TUBA3E: variants seen among roughly 807,000 people sequenced by gnomAD.
TUBA3E encodes tubulin alpha 3e.
A neutral mutation model predicts 36.7 loss-of-function variants in TUBA3E; 21 were observed. The ratio of observed to expected loss-of-function variants is 0.57; its 90% CI spans 0.41 to 0.83. The LOEUF (loss-of-function observed/expected upper bound fraction) is 0.83, where lower values mean the gene tolerates loss of function less well. Among genes scored for constraint, TUBA3E ranks in the 40% least tolerant of loss-of-function variants. The pLI, the probability that TUBA3E is intolerant of heterozygous loss-of-function variation, is 0.00. For synonymous variants in TUBA3E, 177 were observed against 241.9 expected, an observed-to-expected ratio of 0.73 and a Z score of 2.49; for missense variants, 469 against 604.2, an observed-to-expected ratio of 0.78 and a Z score of 2.35.
In TUBA3E at chr2:130,194,312, A is replaced by G; in HGVS notation, c.530T>C (p.Val177Ala). 5 of 1,612,492 alleles carry G rather than the reference A, an allele frequency of 3.1e-6. No homozygotes were observed. The highest frequency in any genetic ancestry group is 4.2e-6 in the Non-Finnish European group (5 of 1,179,682). Residue 177 changes from valine to alanine, a missense_variant, in exon 4 of 5, where the codon GTC (valine) becomes GCC (alanine). By Grantham distance (64) the Val-to-Ala change is moderately conservative. Transcript: ENST00000312988. ...GTAGGGCTCCACCACGGCTGTGGAG[A>G]CCTGGGGGGCTGGGTAAATGGCAAA... The part of the protein sequence containing the change: ...LEFAIYPAPQ[V>A]STAVVEPYNS...
At position 130,194,302 on chromosome 2, in the gene TUBA3E, G is replaced by A. The variant is rs767848746; in HGVS notation, c.540C>T (p.Ala180=). The A allele has an allele frequency of 2.0e-5, 32 of 1,612,000 alleles. 1 individual carries two copies. The highest frequency in any genetic ancestry group is 2.0e-4 in the South Asian group (18 of 90,776). ...AIYPAPQVST[A]VVEPYNSILT... ...GGATGGAGTTGTAGGGCTCCACCAC[G>A]GCTGTGGAGACCTGGGGGGCTGGGT... is the stretch of plus-strand genomic sequence containing the variant. The change falls in exon 4 of 5, where the codon GCC becomes GCT. Residue 180 remains alanine, a synonymous_variant. Transcript: ENST00000312988.
rs1376385373 is a variant in TUBA3E, at chr2:130,191,866, C to G, written c.1318G>C (p.Val440Leu). The change falls in exon 5 of 5, where the codon GTG (valine) becomes CTG (leucine). Residue 440 changes from valine (V) to leucine (L), a missense_variant. Coordinates refer to ENST00000312988, the MANE Select transcript of TUBA3E (RefSeq NM_207312.3). The stretch of plus-strand genomic sequence containing the variant: ...TCGCCTTCTTCAGCCTCAGCTTCCA[C>G]GGAATCCACGCCCACCTCTTCACAA... The part of the protein sequence containing the change: ...KDCEEVGVDS[V>L]EAEAEEGEAY 1.2e-6 allele frequency: 2 copies of G among 1,612,762 alleles called. No homozygotes were observed. Among genetic ancestry groups the G allele is most frequent in the Non-Finnish European group, 8.5e-7 (1 of 1,179,354 alleles).
rs572006977 is a variant in TUBA3E, at chr2:130,196,821, C to T, written c.4-450G>A. On this transcript the variant is annotated intron_variant, in intron 1 of 4. Transcript: ENST00000312988. ...GTGCTCAGTGTGTGTCCTCTCTCTG[C>T]CCCCCAGTTCTACCCCGTCCATCAT... 3.3e-5 allele frequency among the ~76,000 whole-genome samples: 5 copies of T among 152,286 alleles called. No homozygotes were observed. The East Asian group carries it at 5.8e-4, about 18-fold the overall frequency.
chr2:130,193,007 T>C (rs1407085141), intron 4 of TUBA3E, among the ~76,000 whole-genome samples: 2 of 151,116 alleles, frequency 1.3e-5, no homozygotes, highest in Non-Finnish European at 2.9e-5. Context: ...GGCAGAGAAG[T>C]GCTTGAACCC....
chr2:130,195,564 A>G (rs527323856), intron 2 of TUBA3E, among the ~76,000 whole-genome samples: 1 of 152,344 alleles, frequency 6.6e-6, no homozygotes, highest in East Asian at 1.9e-4. Context: ...AAAAACTCTT[A>G]CAACCTGGGC....
rs1404400073 is a variant in TUBA3E, at chr2:130,192,038, C to T, written c.1146G>A (p.Thr382=). 15 of 1,614,020 alleles carry T rather than the reference C, an allele frequency of 9.3e-6. No individual in the cohort carries two copies. Among genetic ancestry groups the T allele is most frequent in the African/African-American group, 5.3e-5 (4 of 74,908 alleles). ...QRAVCMLSNT[T]AIAEAWARLV... ...GGCGGGCCCAGGCCTCCGCAATGGC[C>T]GTGGTGTTGCTCAGCATGCACACGG... The change falls in exon 5 of 5, where the codon ACG becomes ACA. Residue 382 remains threonine (T), a synonymous_variant. Transcript: ENST00000312988.
At chr2:130,196,489 A>C (rs1054488256) in intron 1 of TUBA3E, 118 bp from the exon 2 acceptor site, 1 of 1,403,972 alleles carries the variant, frequency 7.1e-7, no homozygotes, top group African/African-American at 1.4e-5. Context: ...CGCTTTCACA[A>C]TCGATATTTC....
At position 130,197,911 on chromosome 2, in the gene TUBA3E, C is replaced by T. The variant is rs569995831; in HGVS notation, c.3+447G>A. Among the ~76,000 whole-genome samples the T allele has an allele frequency of 1.6e-5, 2 of 124,922 alleles. 1 individual carries two copies. Among genetic ancestry groups the T allele is most frequent in the Non-Finnish European group, 3.6e-5 (2 of 56,230 alleles). 82.0% of individuals were successfully genotyped at this position (124,922 alleles called of 152,430 possible). A position where few individuals can be genotyped will look rare whatever the true frequency, so the allele number is the denominator to read the frequency against. On this transcript the variant is annotated intron_variant, in intron 1 of 4. Coordinates refer to ENST00000312988, the MANE Select transcript of TUBA3E (RefSeq NM_207312.3). The stretch of plus-strand genomic sequence containing the variant: ...GCGTGAGCCGCCGCGCCTGGCCTAA[C>T]GGTTGCCTTTAGGTGAACAAGGCAA...
Position 130,192,113 on chromosome 2 carries a change from G to T in TUBA3E, c.1071C>A (p.Tyr357Ter). 1 of 1,596,984 alleles carries T rather than the reference G, an allele frequency of 6.3e-7. No homozygotes were observed. Among genetic ancestry groups the T allele is most frequent in the Non-Finnish European group, 8.5e-7 (1 of 1,170,720 alleles). Residue 357 changes from tyrosine (Y) to a stop codon, truncating the protein, a stop_gained, in exon 5 of 5, where the codon TAC becomes TAA. Transcript: ENST00000312988. LOFTEE classifies it high-confidence loss of function. The part of the protein sequence containing the change: ...CPTGFKVGIN[Y>*]QPPTVVPGGD... ...CCCCGGGGACCACTGTGGGGGGCTG[G>T]TAGTTAATGCCCACCTGCCAGAGAA... is the stretch of plus-strand genomic sequence containing the variant.
At position 130,197,508 on chromosome 2, in the gene TUBA3E, AG is replaced by A. The variant is rs1448993945; in HGVS notation, c.3+849del. Among the ~76,000 whole-genome samples the A allele has an allele frequency of 5.8e-3, 631 of 108,196 alleles. 58 individuals are homozygous for A. Among genetic ancestry groups the A allele is most frequent in the African/African-American group, 0.027 (601 of 22,646 alleles). 71.0% of individuals were successfully genotyped at this position (108,196 alleles called of 152,430 possible). Reference sequence around the variant, plus strand: ...GTGCTGTCTCAAAAAAAAAAAAAAAAGAAAAGAAAAGAAAAAAGAAAAAGAA... The same window carrying A: ...GTGCTGTCTCAAAAAAAAAAAAAAAAAAAAGAAAAGAAAAAAGAAAAAGAA... On this transcript the variant is annotated intron_variant, in intron 1 of 4. Transcript: ENST00000312988.
chr2:130,193,105 A>T (rs553024212), intron 4 of TUBA3E, among the ~76,000 whole-genome samples: 1 of 150,454 alleles, frequency 6.6e-6, no homozygotes, highest in African/African-American at 2.5e-5. Flanking sequence ...AAAAAAAAAA[A>T]TTACCCGGGC....
At chr2:130,195,709 C>T (rs1318831402) in intron 2 of TUBA3E, among the ~76,000 whole-genome samples, 1 of 152,232 alleles carries the variant, frequency 6.6e-6, no homozygotes, top group Non-Finnish European at 1.5e-5. Flanking sequence ...TGTAGCTCTC[C>T]TTGGAAACTA....
chr2:130,192,897 C>G (rs562710733), intron 4 of TUBA3E, among the ~76,000 whole-genome samples: 2 of 152,174 alleles, frequency 1.3e-5, no homozygotes, highest in Non-Finnish European at 2.9e-5. Flanking sequence ...GGTTTGAGAC[C>G]AGCCTGGCCA....
At chr2:130,197,650 A>C (rs1558784954) in intron 1 of TUBA3E, among the ~76,000 whole-genome samples, 1 of 127,070 alleles carries the variant, frequency 7.9e-6, no homozygotes, top group African/African-American at 2.7e-5. Context: ...TCTGTGGCCC[A>C]GGCTGGAGTG....
intron 1 of TUBA3E, among the ~76,000 whole-genome samples, chr2:130,197,364 G>A (rs1342432216): frequency 8.0e-6 from 1 of 125,666 alleles, no homozygotes; most frequent in Admixed American, 8.9e-5. Flanking sequence ...GCACACACCT[G>A]TAGTACCAGC....
In TUBA3E at chr2:130,193,606, CAAAAAAA is replaced by C. The variant is rs34918027; in HGVS notation, c.1056+173_1056+179del. Among the ~76,000 whole-genome samples, 10 of 95,074 alleles carry C rather than the reference CAAAAAAA, an allele frequency of 1.1e-4. No homozygotes were observed. The South Asian group carries it at 1.8e-3, about 17-fold the overall frequency. 62.4% of individuals were successfully genotyped at this position (95,074 alleles called of 152,430 possible). ...CCTGGTCGACAGAGCAAGACTGTCT[CAAAAAAA>C]AAAAAAAAAAAAAAATCACTGAATC... is the stretch of plus-strand genomic sequence containing the variant. On this transcript the variant is annotated intron_variant, in intron 4 of 4. Transcript: ENST00000312988.
chr2:130,196,710 T>C (rs1312056920), intron 1 of TUBA3E, among the ~76,000 whole-genome samples: 1 of 152,232 alleles, frequency 6.6e-6, no homozygotes, highest in Non-Finnish European at 1.5e-5. Flanking sequence ...TAGCAGTTTT[T>C]GATTATGTCC....
At chr2:130,194,868 G>C (rs1690365682) in intron 3 of TUBA3E, among the ~76,000 whole-genome samples, 1 of 152,144 alleles carries the variant, frequency 6.6e-6, no homozygotes, top group African/African-American at 2.4e-5. Context: ...AGTAGACATA[G>C]AGTTTCACCA....
At chr2:130,196,941 A>T (rs894627183) in intron 1 of TUBA3E, among the ~76,000 whole-genome samples, 42 of 152,298 alleles carry the variant, frequency 2.8e-4, no homozygotes, top group African/African-American at 9.9e-4. Context: ...GGTCAATGGC[A>T]GGCAGCAGTG....
Sources: allele counts gnomAD v4.1 joint callset (sites outside exome capture counted in the v4.1 genomes callset), GRCh38; gene constraint gnomAD v4.1.1; transcripts MANE v1.5; gene names NCBI Gene and HGNC (gene_info 2026-07-23, HGNC 2026-07-21).